The following SUPV3L1 variants were observed in gnomAD, a reference collection of about 807,000 sequenced individuals.
SUPV3L1 encodes Suv3 like RNA helicase.
SUPV3L1 carries 35 observed loss-of-function variants against 70.0 expected under a neutral mutation model. That is an observed-to-expected ratio of 0.50 (90% CI 0.38 to 0.66). The LOEUF is 0.66. SUPV3L1 is among the 30% of genes least tolerant of loss of function. The probability of loss-of-function intolerance (pLI) is 0.00; values close to 1 mark genes in which losing one functional copy is unlikely to be tolerated. For synonymous variants in SUPV3L1, 364 were observed against 341.9 expected, an observed-to-expected ratio of 1.06 and a Z score of -0.71; for missense variants, 777 against 961.5, an observed-to-expected ratio of 0.81 and a Z score of 2.54.
chr10:69,184,983 T>C (rs990775856), intron 1 of SUPV3L1, among the ~76,000 whole-genome samples: 1 of 152,224 alleles, frequency 6.6e-6, no homozygotes, highest in African/African-American at 2.4e-5. Flanking sequence ...TAATACAATC[T>C]CAGCTTGATT....
chr10:69,186,354 A>C (rs1231542093), intron 2 of SUPV3L1, 89 bp from the exon 3 acceptor site: 19 of 969,856 alleles, frequency 2.0e-5, no homozygotes, highest in Non-Finnish European at 1.6e-6. Context: ...AGAAAAAAAA[A>C]GACTCTTTGA....
Position 69,185,970 on chromosome 10 carries a change from T to G in SUPV3L1, c.272-17T>G, listed in dbSNP as rs140984600. ...TCTAAGATAAGGAAACGTTAAATTT[T>G]GACATCTCTCTTCTAGATGAAGTAA... is the stretch of plus-strand genomic sequence containing the variant. On this transcript the variant is annotated splice_polypyrimidine_tract_variant and intron_variant, in intron 1 of 14. Transcript: ENST00000359655. The G allele has an allele frequency of 7.2e-5, 115 of 1,586,550 alleles. No individual in the cohort carries two copies. Among genetic ancestry groups the G allele is most frequent in the Non-Finnish European group, 9.1e-5 (106 of 1,161,144 alleles).
chr10:69,205,864 A>T (rs1036289723), intron 13 of SUPV3L1, among the ~76,000 whole-genome samples: 1 of 152,168 alleles, frequency 6.6e-6, no homozygotes, highest in Non-Finnish European at 1.5e-5. Flanking sequence ...TAAAAATTAG[A>T]ATATGAAATC....
At chr10:69,181,373 A>G (rs546870999) in intron 1 of SUPV3L1, among the ~76,000 whole-genome samples, 166 of 152,364 alleles carry the variant, frequency 1.1e-3, no homozygotes, top group African/African-American at 3.7e-3. Flanking sequence ...TCTCACTTCA[A>G]CAAGCGACAT....
intron 1 of SUPV3L1, 46 bp downstream of exon 1, chr10:69,180,608 G>A: frequency 3.8e-6 from 6 of 1,599,214 alleles, no homozygotes; most frequent in Non-Finnish European, 4.3e-6. Context: ...GTGTCTGCTG[G>A]GCCGAGGCTG....
chr10:69,200,581 A>G (rs1350312020), intron 11 of SUPV3L1, 82 bp downstream of exon 11: 5 of 1,210,606 alleles, frequency 4.1e-6, no homozygotes, highest in Non-Finnish European at 5.8e-6. Context: ...CTCTCACCTC[A>G]GACACATTTC....
intron 1 of SUPV3L1, 122 bp from the exon 2 acceptor site, chr10:69,185,865 T>G (rs757231300): frequency 1.2e-5 from 9 of 767,580 alleles, no homozygotes; most frequent in Non-Finnish European, 2.1e-5. Flanking sequence ...GACTAAAACC[T>G]TCTAGTTCTT....
intron 1 of SUPV3L1, among the ~76,000 whole-genome samples, chr10:69,181,227 A>G (rs1842048863): frequency 6.6e-6 from 1 of 152,178 alleles, no homozygotes; most frequent in Non-Finnish European, 1.5e-5. Flanking sequence ...GGATTCGTTG[A>G]CAGAGAGGCA....
chr10:69,197,827 C>G (rs547144829), intron 8 of SUPV3L1, among the ~76,000 whole-genome samples: 1 of 152,292 alleles, frequency 6.6e-6, no homozygotes, highest in African/African-American at 2.4e-5. Context: ...CCTTGGCCTC[C>G]CAAAGTGCTG....
chr10:69,184,000 T>C (rs1842143250), intron 1 of SUPV3L1, among the ~76,000 whole-genome samples: 1 of 152,134 alleles, frequency 6.6e-6, no homozygotes. Context: ...AACTGGTTTC[T>C]TTTACTTAGC....
At chr10:69,186,873 A>G (rs1842246054) in intron 3 of SUPV3L1, among the ~76,000 whole-genome samples, 1 of 152,122 alleles carries the variant, frequency 6.6e-6, no homozygotes, top group African/African-American at 2.4e-5. Flanking sequence ...TCATATCAGG[A>G]CAAAGTTCTT....
intron 13 of SUPV3L1, among the ~76,000 whole-genome samples, chr10:69,204,238 C>A (rs543833464): frequency 1.3e-5 from 2 of 152,166 alleles, no homozygotes; most frequent in Non-Finnish European, 2.9e-5. Flanking sequence ...ATAAACATAA[C>A]ATGTTCTCTC....
intron 11 of SUPV3L1, 146 bp from the exon 12 acceptor site, chr10:69,202,293 T>G: frequency 3.5e-6 from 2 of 565,954 alleles, no homozygotes; most frequent in Non-Finnish European, 3.0e-6. Flanking sequence ...AATGATATTT[T>G]TTCTCTTTTA....
Position 69,202,425 on chromosome 10 carries a change from T to G in SUPV3L1, c.1519-14T>G. Reference sequence around the variant, plus strand: ...AAAAAATCAGCTTATGATTGTTTTTTCTTTTACTAAAAGGCAGCTGGTCTT... The same window carrying G: ...AAAAAATCAGCTTATGATTGTTTTTGCTTTTACTAAAAGGCAGCTGGTCTT... On this transcript the variant is annotated splice_polypyrimidine_tract_variant and intron_variant, in intron 11 of 14. Transcript: ENST00000359655. 6.3e-7 allele frequency: 1 copy of G among 1,597,910 alleles called. No individual in the cohort carries two copies. Among genetic ancestry groups the G allele is most frequent in the Non-Finnish European group, 8.5e-7 (1 of 1,174,506 alleles).
chr10:69,182,383 A>G, intron 1 of SUPV3L1: 2 of 362,204 alleles, frequency 5.5e-6, no homozygotes, highest in Non-Finnish European at 7.7e-6. Context: ...CATCTTGCAG[A>G]GTTGAAACTC....
chr10:69,189,686 A>G (rs7899406), intron 5 of SUPV3L1, among the ~76,000 whole-genome samples: 32,780 of 132,560 alleles, frequency 0.25, 3,924 homozygotes, highest in African/African-American at 0.27. Context: ...TCGCTTTGTC[A>G]CCCAGGCTGG....
Position 69,180,237 on chromosome 10 carries a change from A to C in SUPV3L1, c.-55A>C, listed in dbSNP as rs1481306625. ...ACAGCAGGCGCTGGAGGTGCGCGTC[A>C]CTGTCCGCCGCCGTGTCCGCGGCTG... On this transcript the variant is annotated 5_prime_UTR_variant, in exon 1 of 15. Coordinates refer to ENST00000359655, the MANE Select transcript of SUPV3L1 (RefSeq NM_003171.5). The C allele has an allele frequency of 3.2e-6, 5 of 1,570,436 alleles. No individual in the cohort carries two copies. In the South Asian group the frequency reaches 4.6e-5, roughly 15 times the overall value.
rs550588833 is a variant in SUPV3L1, at chr10:69,186,155, G to A, written c.349+91G>A. ...GTACGACCCCTCATGTGACCTGGCT[G>A]TTGTAGTCTGGAGACACGTCCCTGC... On this transcript the variant is annotated intron_variant, in intron 2 of 14. Transcript: ENST00000359655. The A allele has an allele frequency of 3.4e-6, 4 of 1,162,076 alleles. No individual in the cohort carries two copies. In the South Asian group the frequency reaches 4.0e-5, roughly 12 times the overall value. The allele number at this position is 1,162,076 out of a possible 1,614,324, so 72.0% of individuals were successfully genotyped here.
At chr10:69,184,958 T>G (rs536593431) in intron 1 of SUPV3L1, among the ~76,000 whole-genome samples, 64 of 152,378 alleles carry the variant, frequency 4.2e-4, no homozygotes, top group Non-Finnish European at 5.7e-4. Context: ...TGTAGTATTT[T>G]AACATATACA....
Sources: allele counts gnomAD v4.1 joint callset (sites outside exome capture counted in the v4.1 genomes callset), GRCh38; gene constraint gnomAD v4.1.1; transcripts MANE v1.5; gene names NCBI Gene and HGNC (gene_info 2026-07-23, HGNC 2026-07-21).